DGLUCY: variants seen among roughly 807,000 people sequenced by gnomAD.
The protein encoded by DGLUCY is D-glutamate cyclase.
A neutral mutation model predicts 58.5 loss-of-function variants in DGLUCY; 58 were observed. That is an observed-to-expected ratio of 0.99 (90% CI 0.80 to 1.23). The LOEUF is 1.23. Among genes scored for constraint, DGLUCY ranks in the 50% most tolerant of loss-of-function variants. DGLUCY has a pLI of 0.00. For synonymous variants in DGLUCY, 325 were observed against 314.1 expected (o/e 1.03, Z -0.37); for missense variants, 779 against 784.7 (o/e 0.99, Z 0.09).
At chr14:91,114,774 C>T (rs959274143) in intron 1 of DGLUCY, 1 of 152,284 alleles carries the variant, frequency 6.6e-6, no homozygotes, top group Admixed American at 6.5e-5. Context: ...AAGGTCCCTC[C>T]CTGTTTTGAA....
chr14:91,164,289 A>T (rs1193330377), intron 3 of DGLUCY, among the ~76,000 whole-genome samples: 2 of 152,138 alleles, frequency 1.3e-5, no homozygotes, highest in Non-Finnish European at 2.9e-5. Flanking sequence ...TATGGTCTTA[A>T]TTTTAGAATA....
chr14:91,160,298 C>T lies in DGLUCY; in HGVS notation c.4C>T (p.Pro2Ser), dbSNP rs747220863. The T allele has an allele frequency of 6.2e-7, 1 of 1,611,134 alleles. No individual in the cohort carries two copies. The highest frequency in any genetic ancestry group is 8.5e-7 in the Non-Finnish European group (1 of 1,177,630). Reference sequence around the variant, plus strand: ...GCTACTTATTCAAGTTGACACGATGCCCTTCACACTCCACCTGAGGTCCCG... The same window carrying T: ...GCTACTTATTCAAGTTGACACGATGTCCTTCACACTCCACCTGAGGTCCCG... M[P>S]FTLHLRSRLP... The change falls in exon 3 of 14, where the codon CCC (proline) becomes TCC (serine). Residue 2 changes from proline (P) to serine (S), a missense_variant. By Grantham distance (74) the Pro-to-Ser change is moderately conservative (BLOSUM62 -1). Coordinates refer to ENST00000256324, the MANE Select transcript of DGLUCY (RefSeq NM_001102368.3).
intron 12 of DGLUCY, among the ~76,000 whole-genome samples, chr14:91,208,899 A>G (rs1025312776): frequency 3.9e-5 from 6 of 152,218 alleles, no homozygotes; most frequent in African/African-American, 1.4e-4. Context: ...GTATGTTGCA[A>G]ACTCTAGGGC....
At chr14:91,142,963 G>A (rs970449455) in intron 1 of DGLUCY, among the ~76,000 whole-genome samples, 2 of 143,914 alleles carry the variant, frequency 1.4e-5, no homozygotes, top group African/African-American at 5.2e-5. Flanking sequence ...TGGAAAGGCG[G>A]AAGTTGCAGT....
chr14:91,098,203 TC>T, intron 1 of DGLUCY, among the ~76,000 whole-genome samples: 1 of 152,324 alleles, frequency 6.6e-6, no homozygotes, highest in Admixed American at 6.5e-5. Flanking sequence ...ATGCCTATAA[TC>T]CCAGCACTTC....
chr14:91,064,962 G>A lies in DGLUCY; in HGVS notation c.-82+4258G>A, dbSNP rs182190653. On this transcript the variant is annotated intron_variant, in intron 1 of 4. Coordinates refer to the DGLUCY transcript ENST00000521334. Reference sequence around the variant, plus strand: ...GCTGGAGGGATCCAGGGAGTTTTTCGGTTTTTTGGCTTTTAATCTTATTTT... The same window carrying A: ...GCTGGAGGGATCCAGGGAGTTTTTCAGTTTTTTGGCTTTTAATCTTATTTT... Among the ~76,000 whole-genome samples the A allele has an allele frequency of 7.9e-4, 121 of 152,230 alleles. 1 individual carries two copies. Among genetic ancestry groups the A allele is most frequent in the African/African-American group, 2.7e-3 (112 of 41,544 alleles).
intron 1 of DGLUCY, among the ~76,000 whole-genome samples, chr14:91,076,648 G>A (rs576153644): frequency 6.6e-6 from 1 of 152,314 alleles, no homozygotes; most frequent in African/African-American, 2.4e-5. Context: ...ACTCCACAGG[G>A]ATGGTGATAC....
At chr14:91,085,163 A>G (rs1271198189) in intron 1 of DGLUCY, among the ~76,000 whole-genome samples, 2 of 150,672 alleles carry the variant, frequency 1.3e-5, no homozygotes, top group East Asian at 3.9e-4. Flanking sequence ...TTGAGGCTTC[A>G]GTGAGCCATG....
At chr14:91,208,561 C>T (rs1241376412) in intron 12 of DGLUCY, among the ~76,000 whole-genome samples, 1 of 152,056 alleles carries the variant, frequency 6.6e-6, no homozygotes, top group Non-Finnish European at 1.5e-5. Context: ...CCAGCCTGGG[C>T]AACATGGGGA....
chr14:91,192,975 C>G (rs544070358), intron 9 of DGLUCY, among the ~76,000 whole-genome samples: 1 of 152,084 alleles, frequency 6.6e-6, no homozygotes, highest in Non-Finnish European at 1.5e-5. Flanking sequence ...AGGAGAGCAG[C>G]GTGGGCAAGG....
intron 13 of DGLUCY, among the ~76,000 whole-genome samples, chr14:91,221,217 A>T (rs893879356): frequency 3.9e-5 from 6 of 152,236 alleles, no homozygotes; most frequent in African/African-American, 1.4e-4. Flanking sequence ...GAAACAGAAG[A>T]GGACCCTGTT....
intron 4 of DGLUCY, among the ~76,000 whole-genome samples, chr14:91,168,908 G>A (rs1360106005): frequency 6.6e-6 from 1 of 152,142 alleles, no homozygotes; most frequent in Non-Finnish European, 1.5e-5. Context: ...CCAACGCGGT[G>A]AAACGCTGTC....
At chr14:91,135,404 C>T (rs2046267269) in intron 1 of DGLUCY, among the ~76,000 whole-genome samples, 1 of 152,148 alleles carries the variant, frequency 6.6e-6, no homozygotes, top group African/African-American at 2.4e-5. Flanking sequence ...AATCCCAGAA[C>T]TTTGGGAGGC....
At chr14:91,164,029 A>G (rs1344861370) in intron 3 of DGLUCY, among the ~76,000 whole-genome samples, 2 of 152,126 alleles carry the variant, frequency 1.3e-5, no homozygotes, top group Non-Finnish European at 2.9e-5. Context: ...GGCTCACTGC[A>G]GCCTCCATCT....
chr14:91,151,658 CT>C lies in DGLUCY; in HGVS notation c.-81-5967del, dbSNP rs772435841. Among the ~76,000 whole-genome samples, 361 of 134,050 alleles carry C rather than the reference CT, an allele frequency of 2.7e-3. 1 individual carries two copies. The highest frequency in any genetic ancestry group is 5.6e-3 in the African/African-American group (207 of 36,706). 87.9% of individuals were successfully genotyped at this position (134,050 alleles called of 152,430 possible). A position where few individuals can be genotyped will look rare whatever the true frequency, so the allele number is the denominator to read the frequency against. On this transcript the variant is annotated intron_variant, in intron 1 of 13. Coordinates refer to ENST00000256324, the MANE Select transcript of DGLUCY (RefSeq NM_001102368.3). The stretch of plus-strand genomic sequence containing the variant: ...TCTTTTTTATTTTTTCTTTTCTTTT[CT>C]TTTTTTTTTTTTTGAGATGCAGTCT...
At chr14:91,164,241 C>T (rs758538640) in intron 3 of DGLUCY, among the ~76,000 whole-genome samples, 1 of 152,110 alleles carries the variant, frequency 6.6e-6, no homozygotes, top group Non-Finnish European at 1.5e-5. Flanking sequence ...TGAGCCACCA[C>T]GCCCGGCCCA....
chr14:91,077,265 A>AAGAG (rs148848700), intron 1 of DGLUCY, among the ~76,000 whole-genome samples: 3 of 147,476 alleles, frequency 2.0e-5, no homozygotes, highest in African/African-American at 5.0e-5. Flanking sequence ...GAGAGAGAGA[A>AAGAG]AGAGAGAGAG....
Position 91,137,548 on chromosome 14 carries a change from G to C in DGLUCY, c.-81-20091G>C, listed in dbSNP as rs1040018638. 1.1e-4 allele frequency among the ~76,000 whole-genome samples: 16 copies of C among 141,802 alleles called. 1 individual carries two copies. The highest frequency in any genetic ancestry group is 4.6e-5 in the Non-Finnish European group (3 of 64,592). The allele number at this position is 141,802 out of a possible 152,430, so 93.0% of individuals were successfully genotyped here. A position where few individuals can be genotyped will look rare whatever the true frequency, so the allele number is the denominator to read the frequency against. ...CTACAGGCGTGCGCCACCACGCCTG[G>C]CTAATTTTTTTTTTTTTTTTTGTAT... On this transcript the variant is annotated intron_variant, in intron 1 of 13. Transcript: ENST00000256324.
intron 1 of DGLUCY, among the ~76,000 whole-genome samples, chr14:91,068,776 G>A (rs538012032): frequency 6.6e-6 from 1 of 152,300 alleles, no homozygotes; most frequent in African/African-American, 2.4e-5. Context: ...ACATAGAAAA[G>A]GTCCCATTTT....
Sources: allele counts gnomAD v4.1 joint callset (sites outside exome capture counted in the v4.1 genomes callset), GRCh38; gene constraint gnomAD v4.1.1; transcripts MANE v1.5; gene names NCBI Gene and HGNC (gene_info 2026-07-23, HGNC 2026-07-21).